The following COG6 variants were observed in gnomAD, a reference collection of about 807,000 sequenced individuals.
COG6 encodes conserved oligomeric Golgi complex subunit 6.
A neutral mutation model predicts 88.8 loss-of-function variants in COG6; 74 were observed. The observed-to-expected ratio is 0.83, with a 90% CI of 0.69 to 1.01. The LOEUF (loss-of-function observed/expected upper bound fraction) is 1.01, where lower values mean the gene tolerates loss of function less well. Ranked by LOEUF, COG6 falls within the 50% of genes least tolerant of loss-of-function variation. The pLI is 0.00. For missense variants in COG6, 800 were observed against 797.9 expected (o/e 1.00, Z -0.03); for synonymous variants, 286 against 278.7 (o/e 1.03, Z -0.26).
chr13:39,660,162 C>G (rs1427806726), intron 2 of COG6, among the ~76,000 whole-genome samples: 3 of 151,938 alleles, frequency 2.0e-5, no homozygotes, highest in Non-Finnish European at 2.9e-5. Flanking sequence ...TGACTGAAGA[C>G]TAATACTTTG....
At chr13:39,690,787 A>G (rs1440168176) in intron 11 of COG6, among the ~76,000 whole-genome samples, 1 of 151,932 alleles carries the variant, frequency 6.6e-6, no homozygotes, top group African/African-American at 2.4e-5. Context: ...ACCTAACTGT[A>G]TATTCAGTAA....
chr13:39,702,606 T>G (rs1877644205), intron 13 of COG6, among the ~76,000 whole-genome samples: 1 of 152,068 alleles, frequency 6.6e-6, no homozygotes, highest in African/African-American at 2.4e-5. Context: ...GCCAACATCA[T>G]AATTAATATT....
rs759444813 is a variant in COG6 at position 39,751,988 on chromosome 13, A to C, written c.*895A>C. The stretch of plus-strand genomic sequence containing the variant: ...ACAATGATCTACTCAAACATTGGAG[A>C]AAAAAACTGCCAGAGGAGGAGTTGC... On this transcript the variant is annotated 3_prime_UTR_variant, in exon 19 of 19. Coordinates refer to ENST00000455146, the MANE Select transcript of COG6 (RefSeq NM_020751.3). 6 of 1,242,826 alleles carry C rather than the reference A, an allele frequency of 4.8e-6. No homozygotes were observed. In the South Asian group the frequency reaches 6.3e-5, roughly 13 times the overall value. The allele number at this position is 1,242,826 out of a possible 1,614,324, so 77.0% of individuals were successfully genotyped here. A position where few individuals can be genotyped will look rare whatever the true frequency, so the allele number is the denominator to read the frequency against.
chr13:39,757,783 A>C (rs554353141), intron 18 of COG6, among the ~76,000 whole-genome samples: 57 of 152,324 alleles, frequency 3.7e-4, no homozygotes, highest in African/African-American at 1.3e-3. Context: ...AAAACTCCCA[A>C]CAAGAACAAA....
intron 11 of COG6, among the ~76,000 whole-genome samples, chr13:39,693,401 G>A (rs1223338597): frequency 6.6e-6 from 1 of 151,844 alleles, no homozygotes; most frequent in Non-Finnish European, 1.5e-5. Flanking sequence ...CAGCTGGCCG[G>A]ATAGCTGAGA....
In COG6 at chr13:39,689,705, A is replaced by G. The variant is rs1438935268; in HGVS notation, c.1010-55A>G. 5 of 1,265,338 alleles carry G rather than the reference A, an allele frequency of 4.0e-6. No individual in the cohort carries two copies. In the Admixed American group the frequency reaches 8.7e-5, roughly 22 times the overall value. 78.4% of individuals were successfully genotyped at this position (1,265,338 alleles called of 1,614,324 possible). On this transcript the variant is annotated intron_variant, in intron 10 of 18. Transcript: ENST00000455146. Reference sequence around the variant, plus strand: ...TTATTTGTTAGTTTTTTGAACTTATATGAAGCAAAGTATAATATGGAAACA... The same window carrying G: ...TTATTTGTTAGTTTTTTGAACTTATGTGAAGCAAAGTATAATATGGAAACA...
At chr13:39,702,090 A>G (rs1308108287) in intron 13 of COG6, among the ~76,000 whole-genome samples, 1 of 152,044 alleles carries the variant, frequency 6.6e-6, no homozygotes, top group Non-Finnish European at 1.5e-5. Flanking sequence ...TCATCTGAAA[A>G]TCAGAATAAG....
downstream of COG6, among the ~76,000 whole-genome samples, chr13:39,755,012 A>G (rs1342985675): frequency 1.3e-5 from 2 of 152,174 alleles, no homozygotes; most frequent in Admixed American, 6.5e-5. Context: ...TTTGGTTAAG[A>G]TGTAAAATTA....
intron 15 of COG6, among the ~76,000 whole-genome samples, chr13:39,721,750 A>G (rs1173487975): frequency 6.6e-6 from 1 of 152,092 alleles, no homozygotes; most frequent in African/African-American, 2.4e-5. Flanking sequence ...TTTACTACCA[A>G]TAACCTATTA....
At chr13:39,745,233 A>G (rs1880277411) in intron 18 of COG6, among the ~76,000 whole-genome samples, 1 of 152,188 alleles carries the variant, frequency 6.6e-6, no homozygotes. Flanking sequence ...AAGCCAAAGT[A>G]GGAAAATAGG....
rs764966635 is a variant in COG6 at position 39,723,378 on chromosome 13, G to A, written c.1630G>A (p.Val544Ile). 5.0e-6 allele frequency: 8 copies of A among 1,611,922 alleles called. No homozygotes were observed. The Admixed American group carries it at 1.0e-4, about 20-fold the overall frequency. Residue 544 changes from valine (V) to isoleucine (I), a missense_variant, in exon 16 of 19, where the codon GTT becomes ATT. Coordinates refer to ENST00000455146, the MANE Select transcript of COG6 (RefSeq NM_020751.3). Reference protein sequence around the residue: ...DTLINEQASYVLTRVGLSYIY... With the variant: ...DTLINEQASYILTRVGLSYIY... ...ACTTATAAATGAGCAAGCCTCTTAT[G>A]TTTTAACTAGGGTAGGCTTGAGTTA...
At chr13:39,791,417 A>G (rs1881934071) in exon 19 of COG6, 1 of 152,074 alleles carries the variant, frequency 6.6e-6, no homozygotes, top group Non-Finnish European at 1.5e-5. Context: ...CTAGCAGATT[A>G]TGTCTATGGG....
chr13:39,781,479 G>T, intron 18 of COG6, among the ~76,000 whole-genome samples: 1 of 151,166 alleles, frequency 6.6e-6, no homozygotes, highest in Non-Finnish European at 1.5e-5. Context: ...CTAAATGGCT[G>T]GAATGGAACT....
chr13:39,740,250 C>T (rs565426224), intron 18 of COG6, among the ~76,000 whole-genome samples: 1 of 152,252 alleles, frequency 6.6e-6, no homozygotes, highest in Non-Finnish European at 1.5e-5. Context: ...AGGACTCATA[C>T]TTCTGAACAT....
At chr13:39,771,972 C>T (rs1383399754) in intron 18 of COG6, among the ~76,000 whole-genome samples, 1 of 152,198 alleles carries the variant, frequency 6.6e-6, no homozygotes, top group Non-Finnish European at 1.5e-5. Flanking sequence ...AGAAATAAAA[C>T]TACCGCTGTC....
intron 18 of COG6, among the ~76,000 whole-genome samples, chr13:39,734,092 T>C (rs1433315149): frequency 1.3e-5 from 2 of 152,160 alleles, no homozygotes; most frequent in African/African-American, 4.8e-5. Flanking sequence ...TTTTGTACTT[T>C]TGTTTCAATT....
chr13:39,715,274 T>TAC (rs35957437), intron 13 of COG6, among the ~76,000 whole-genome samples: 73,296 of 149,794 alleles, frequency 0.49, 18,206 homozygotes, highest in South Asian at 0.67. Flanking sequence ...TCTCTCTCTA[T>TAC]ACACACACAC....
chr13:39,701,928 A>G (rs1463749284), intron 13 of COG6, among the ~76,000 whole-genome samples: 2 of 152,076 alleles, frequency 1.3e-5, no homozygotes, highest in African/African-American at 4.8e-5. Context: ...AGAAAACAAA[A>G]GCAGAATTAT....
intron 4 of COG6, among the ~76,000 whole-genome samples, chr13:39,669,870 G>A (rs554872033): frequency 5.3e-5 from 8 of 152,146 alleles, no homozygotes; most frequent in Non-Finnish European, 7.4e-5. Flanking sequence ...CCAAGTGAAC[G>A]TTTGTGTGAA....
Sources: allele counts gnomAD v4.1 joint callset (sites outside exome capture counted in the v4.1 genomes callset), GRCh38; gene constraint gnomAD v4.1.1; transcripts MANE v1.5; gene names NCBI Gene and HGNC (gene_info 2026-07-23, HGNC 2026-07-21).